The following CCDC171 variants were observed in gnomAD, a reference collection of about 807,000 sequenced individuals.
CCDC171 encodes the protein coiled-coil domain-containing protein 171.
Under a neutral mutation model 168.2 loss-of-function variants are expected in CCDC171, and 177 were observed. The ratio of observed to expected loss-of-function variants is 1.05; its 90% confidence interval spans 0.93 to 1.19. CCDC171 has a LOEUF of 1.19. Ranked by LOEUF, CCDC171 falls within the 50% of genes most tolerant of loss-of-function variation. The pLI, the probability that CCDC171 is intolerant of heterozygous loss-of-function variation, is 0.00. For missense variants in CCDC171, 1,991 were observed against 1,539.0 expected (o/e 1.29, Z -4.91); for synonymous variants, 687 against 540.8 (o/e 1.27, Z -3.75).
chr9:15,632,875 A>G (rs550176058), intron 7 of CCDC171, among the ~76,000 whole-genome samples: 1 of 152,344 alleles, frequency 6.6e-6, no homozygotes, highest in East Asian at 1.9e-4. Flanking sequence ...CCGCATATCT[A>G]TGACTATCTG....
At chr9:15,959,121 G>A (rs1830101853) in intron 25 of CCDC171, among the ~76,000 whole-genome samples, 1 of 152,112 alleles carries the variant, frequency 6.6e-6, no homozygotes, top group Admixed American at 6.6e-5. Context: ...GAGATGCAGG[G>A]ACAAACATGC....
At chr9:15,821,000 G>A (rs1298683409) in intron 21 of CCDC171, among the ~76,000 whole-genome samples, 1 of 117,144 alleles carries the variant, frequency 8.5e-6, no homozygotes, top group African/African-American at 3.2e-5. Context: ...GATCAAGTGG[G>A]CTTCATCCCT....
At chr9:15,938,843 C>G (rs1280069195) in intron 25 of CCDC171, among the ~76,000 whole-genome samples, 1 of 151,738 alleles carries the variant, frequency 6.6e-6, no homozygotes, top group South Asian at 2.1e-4. Context: ...TAGTCTCTAC[C>G]ACTTTATTTT....
chr9:15,648,790 A>G (rs1476763182), intron 7 of CCDC171, among the ~76,000 whole-genome samples: 8 of 152,230 alleles, frequency 5.3e-5, no homozygotes, highest in African/African-American at 1.9e-4. Flanking sequence ...CATGGATAGG[A>G]AGAATAAATA....
chr9:15,978,755 A>G (rs548701587), downstream of CCDC171, among the ~76,000 whole-genome samples: 62 of 152,340 alleles, frequency 4.1e-4, no homozygotes, highest in African/African-American at 1.4e-3. Flanking sequence ...TAGTTCACGT[A>G]ACATACAATG....
chr9:15,960,176 C>T (rs899897464), intron 25 of CCDC171, among the ~76,000 whole-genome samples: 4 of 152,074 alleles, frequency 2.6e-5, no homozygotes, highest in African/African-American at 9.7e-5. Context: ...CAAAGCTTTT[C>T]CTATAAAAAT....
chr9:15,715,240 T>TA (rs1189076487), intron 11 of CCDC171, among the ~76,000 whole-genome samples: 2 of 152,226 alleles, frequency 1.3e-5, no homozygotes, highest in Non-Finnish European at 2.9e-5. Flanking sequence ...GAGAAGGACT[T>TA]ACATAATAAA....
the CCDC171 span, among the ~76,000 whole-genome samples, chr9:16,104,974 A>AT: frequency 6.6e-6 from 1 of 152,190 alleles, no homozygotes; most frequent in African/African-American, 2.4e-5. Context: ...GGAGTGAAGT[A>AT]TTAAGTGGAG....
At chr9:15,982,346 G>C (rs991429669) in intron 3 of CCDC171, among the ~76,000 whole-genome samples, 4 of 152,210 alleles carry the variant, frequency 2.6e-5, no homozygotes, top group South Asian at 2.1e-4. Flanking sequence ...ATTTAACCTC[G>C]TGAACCTCAG....
intron 24 of CCDC171, among the ~76,000 whole-genome samples, chr9:15,913,110 A>G (rs1389195599): frequency 6.6e-6 from 1 of 152,254 alleles, no homozygotes; most frequent in Non-Finnish European, 1.5e-5. Context: ...TTCAGAAGGA[A>G]TGGTCCAGCT....
intron 2 of CCDC171, among the ~76,000 whole-genome samples, chr9:15,568,396 G>T (rs1363289450): frequency 1.3e-5 from 2 of 151,736 alleles, no homozygotes; most frequent in Non-Finnish European, 2.9e-5. Context: ...TCAGCCTCCG[G>T]AGTAGCTGGG....
At chr9:15,589,090 A>T (rs1346716135) in intron 4 of CCDC171, among the ~76,000 whole-genome samples, 1 of 151,906 alleles carries the variant, frequency 6.6e-6, no homozygotes, top group Admixed American at 6.6e-5. Flanking sequence ...TTACTACTAG[A>T]ATGTCTCTGA....
At chr9:15,560,693 A>T (rs2039223216) in intron 1 of CCDC171, among the ~76,000 whole-genome samples, 1 of 151,786 alleles carries the variant, frequency 6.6e-6, no homozygotes, top group Admixed American at 6.6e-5. Flanking sequence ...TAGCTCGGAG[A>T]AGTTTATTAT....
At chr9:15,880,848 G>T (rs1818551307) in intron 24 of CCDC171, among the ~76,000 whole-genome samples, 1 of 152,112 alleles carries the variant, frequency 6.6e-6, no homozygotes, top group African/African-American at 2.4e-5. Flanking sequence ...CGAAAATAAT[G>T]TTGGAATGTC....
chr9:15,950,658 G>C (rs1045479494), intron 25 of CCDC171, among the ~76,000 whole-genome samples: 6 of 151,822 alleles, frequency 4.0e-5, no homozygotes, highest in African/African-American at 1.5e-4. Flanking sequence ...GATACCAGCC[G>C]CTGCAAAATC....
intron 9 of CCDC171, among the ~76,000 whole-genome samples, chr9:15,667,808 A>C (rs764947564): frequency 6.6e-6 from 1 of 152,202 alleles, no homozygotes; most frequent in Non-Finnish European, 1.5e-5. Context: ...TCTTTAATTA[A>C]TAATGCTTAT....
intron 11 of CCDC171, among the ~76,000 whole-genome samples, chr9:15,706,946 A>G (rs1480211593): frequency 6.6e-6 from 1 of 152,228 alleles, no homozygotes; most frequent in African/African-American, 2.4e-5. Flanking sequence ...AATCAAGACA[A>G]CAAATTGGAT....
chr9:15,710,992 A>T (rs543823476), intron 11 of CCDC171, among the ~76,000 whole-genome samples: 1 of 152,278 alleles, frequency 6.6e-6, no homozygotes, highest in African/African-American at 2.4e-5. Context: ...TTCTGATTGC[A>T]TCCCATTGTA....
intron 24 of CCDC171, among the ~76,000 whole-genome samples, chr9:15,881,232 G>T (rs2794624): frequency 0.78 from 118,236 of 152,080 alleles, 46,735 homozygotes; most frequent in East Asian, 0.85. Context: ...AAAATTTCCT[G>T]AGTAGAGCCC....
Sources: gnomAD v4.1 joint callset for allele counts (sites outside exome capture counted in the v4.1 genomes callset) on GRCh38, gnomAD v4.1.1 for gene constraint, MANE v1.5 for transcripts, NCBI Gene and HGNC (gene_info 2026-07-23, HGNC 2026-07-21) for gene names.